Variants in TMEM120B observed in about 807,000 individuals in gnomAD.
TMEM120B encodes transmembrane protein 120B.
TMEM120B carries 31 observed loss-of-function variants against 55.5 expected under a neutral mutation model. The observed-to-expected ratio is 0.56, with a 90% CI of 0.42 to 0.75. The LOEUF (loss-of-function observed/expected upper bound fraction) is 0.75, where lower values mean the gene tolerates loss of function less well. TMEM120B is among the 30% of genes least tolerant of loss of function. TMEM120B has a pLI of 0.00. For synonymous variants in TMEM120B, 203 were observed against 176.3 expected (o/e 1.15, Z -1.20); for missense variants, 399 against 425.5 (o/e 0.94, Z 0.55).
intron 1 of TMEM120B, among the ~76,000 whole-genome samples, chr12:121,726,109 G>T (rs150449666): frequency 1.1e-4 from 17 of 151,836 alleles, no homozygotes; most frequent in African/African-American, 3.9e-4. Flanking sequence ...TTAGGAAGAA[G>T]GGGAGATGGA....
In TMEM120B at chr12:121,776,292, T is replaced by A. The variant is rs1487384438; in HGVS notation, c.*570T>A. On this transcript the variant is annotated 3_prime_UTR_variant, in exon 12 of 12. Coordinates refer to ENST00000449592, the MANE Select transcript of TMEM120B (RefSeq NM_001080825.2). ...CGTGCTCTTCTTGCCCCTGGAGCGC[T>A]GGGGGCATCCTGAGTCAGGCTGTGA... 5 of 170,464 alleles carry A rather than the reference T, an allele frequency of 2.9e-5. No individual in the cohort carries two copies. In the South Asian group the frequency reaches 5.3e-4, roughly 18 times the overall value. 10.6% of individuals were successfully genotyped at this position (170,464 alleles called of 1,614,324 possible).
chr12:121,739,207 CAAACTT>C (rs905115315), intron 1 of TMEM120B, among the ~76,000 whole-genome samples: 16 of 152,074 alleles, frequency 1.1e-4, no homozygotes, highest in African/African-American at 3.6e-4. Flanking sequence ...AAAACAAAAA[CAAACTT>C]AAATTCACGA....
intron 1 of TMEM120B, among the ~76,000 whole-genome samples, chr12:121,720,843 C>A (rs1023817560): frequency 6.6e-6 from 1 of 152,234 alleles, no homozygotes; most frequent in Non-Finnish European, 1.5e-5. Context: ...TCTGATGCTC[C>A]TGGGCCAGAA....
chr12:121,728,616 G>T (rs967121847), intron 1 of TMEM120B, among the ~76,000 whole-genome samples: 1 of 152,020 alleles, frequency 6.6e-6, no homozygotes, highest in African/African-American at 2.4e-5. Flanking sequence ...CACCGCGCCC[G>T]GCCGACACTC....
chr12:121,774,111 A>T (rs1179639085), intron 9 of TMEM120B, among the ~76,000 whole-genome samples: 1 of 151,990 alleles, frequency 6.6e-6, no homozygotes. Context: ...ATGTGCCACC[A>T]CGCCCGGCTA....
chr12:121,718,954 A>G (rs1894747703), intron 1 of TMEM120B, among the ~76,000 whole-genome samples: 1 of 152,144 alleles, frequency 6.6e-6, no homozygotes, highest in Non-Finnish European at 1.5e-5. Flanking sequence ...ATGTTGTGGC[A>G]AAGATGGCCA....
intron 1 of TMEM120B, among the ~76,000 whole-genome samples, chr12:121,726,482 T>G (rs1207287666): frequency 6.7e-6 from 1 of 149,230 alleles, no homozygotes; most frequent in Non-Finnish European, 1.5e-5. Context: ...GGGAGGCTGA[T>G]GCAGGAGAAA....
chr12:121,770,236 G>C (rs11043191), intron 6 of TMEM120B, among the ~76,000 whole-genome samples: 3,016 of 152,168 alleles, frequency 0.02, 84 homozygotes, highest in African/African-American at 0.067. Context: ...CTCACAGATG[G>C]CATCTCCCCG....
At chr12:121,728,596 A>T (rs1223197775) in intron 1 of TMEM120B, among the ~76,000 whole-genome samples, 2 of 151,708 alleles carry the variant, frequency 1.3e-5, no homozygotes, top group Non-Finnish European at 2.9e-5. Context: ...CTGGGATTAC[A>T]GGCATGAGCC....
At chr12:121,763,225 C>T (rs996348331) in intron 6 of TMEM120B, among the ~76,000 whole-genome samples, 4 of 145,194 alleles carry the variant, frequency 2.8e-5, no homozygotes, top group Non-Finnish European at 4.5e-5. Context: ...TGCAGTGGCG[C>T]AATCTCGGCT....
chr12:121,773,609 G>A (rs566015600), intron 9 of TMEM120B, 96 bp downstream of exon 9: 6 of 917,996 alleles, frequency 6.5e-6, no homozygotes, highest in East Asian at 3.1e-5. Context: ...CCCATACAGC[G>A]GAGCCAGGCC....
At chr12:121,731,262 AT>A (rs1566509427) in intron 1 of TMEM120B, among the ~76,000 whole-genome samples, 1 of 151,690 alleles carries the variant, frequency 6.6e-6, no homozygotes, top group African/African-American at 2.4e-5. Context: ...TATTTATTTT[AT>A]TTTTTTCAGG....
chr12:121,779,539 C>A lies in TMEM120B; in HGVS notation c.*3817C>A. ...AGCCGGCGCTTCTTCTGCCGTTGCG[C>A]CTTCTTCAGAGCGCTGAGAGCCACC... On this transcript the variant is annotated 3_prime_UTR_variant, in exon 12 of 12. Coordinates refer to ENST00000449592, the MANE Select transcript of TMEM120B (RefSeq NM_001080825.2). 6.2e-7 allele frequency: 1 copy of A among 1,613,178 alleles called. No individual in the cohort carries two copies. Among genetic ancestry groups the A allele is most frequent in the South Asian group, 1.1e-5 (1 of 91,090 alleles).
rs567971650 is a variant in TMEM120B, at chr12:121,779,852, G to A, written c.*4130G>A. Reference sequence around the variant, plus strand: ...ATGGAGGGCCAGGGCAGTGCAGCCCGCAGGTTGGAAGAAGCCCTGTCCAGG... The same window carrying A: ...ATGGAGGGCCAGGGCAGTGCAGCCCACAGGTTGGAAGAAGCCCTGTCCAGG... On this transcript the variant is annotated 3_prime_UTR_variant, in exon 12 of 12. Coordinates refer to ENST00000449592, the MANE Select transcript of TMEM120B (RefSeq NM_001080825.2). 4.8e-5 allele frequency: 30 copies of A among 619,976 alleles called. No homozygotes were observed. The highest frequency in any genetic ancestry group is 1.2e-4 in the South Asian group (6 of 49,158). The allele number at this position is 619,976 out of a possible 1,614,324, so 38.4% of individuals were successfully genotyped here. A position where few individuals can be genotyped will look rare whatever the true frequency, so the allele number is the denominator to read the frequency against.
chr12:121,745,464 C>T lies in TMEM120B; in HGVS notation c.188+1717C>T, dbSNP rs144604825. Among the ~76,000 whole-genome samples, 165 of 152,208 alleles carry T rather than the reference C, an allele frequency of 1.1e-3. 1 individual carries two copies. The East Asian group carries it at 0.028, about 26-fold the overall frequency. On this transcript the variant is annotated intron_variant, in intron 2 of 11. Coordinates refer to ENST00000449592, the MANE Select transcript of TMEM120B (RefSeq NM_001080825.2). Reference sequence around the variant, plus strand: ...GGGGTGCAGTGGTGCAATCTCGGCTCACTGCAACCTCTGCCTCCCGGGTTC... The same window carrying T: ...GGGGTGCAGTGGTGCAATCTCGGCTTACTGCAACCTCTGCCTCCCGGGTTC...
At chr12:121,736,555 T>C (rs1895120351) in intron 1 of TMEM120B, among the ~76,000 whole-genome samples, 1 of 147,430 alleles carries the variant, frequency 6.8e-6, no homozygotes, top group Admixed American at 6.8e-5. Context: ...TGCCCGGCCT[T>C]CTTTTTCTTT....
chr12:121,723,677 G>C (rs914518217), intron 1 of TMEM120B, among the ~76,000 whole-genome samples: 1 of 152,162 alleles, frequency 6.6e-6, no homozygotes, highest in African/African-American at 2.4e-5. Context: ...GAGAAAGCCA[G>C]GACTGATCTG....
intron 1 of TMEM120B, among the ~76,000 whole-genome samples, chr12:121,729,208 G>A (rs1463179962): frequency 3.9e-5 from 6 of 152,216 alleles, no homozygotes; most frequent in East Asian, 1.9e-4. Context: ...GGTTCCATTC[G>A]AGGCCACAGG....
intron 3 of TMEM120B, 75 bp downstream of exon 3, chr12:121,748,517 C>G (rs572605585): frequency 1.0e-6 from 1 of 966,910 alleles, no homozygotes; most frequent in South Asian, 1.6e-5. Flanking sequence ...ATATAACTCT[C>G]GCCTTCCTGC....
Sources: allele counts gnomAD v4.1 joint callset (sites outside exome capture counted in the v4.1 genomes callset), GRCh38; gene constraint gnomAD v4.1.1; transcripts MANE v1.5; gene names NCBI Gene and HGNC (gene_info 2026-07-23, HGNC 2026-07-21).